Variants in LVRN observed in about 807,000 individuals in gnomAD.
The protein encoded by LVRN is aminopeptidase Q.
LVRN carries 99 observed loss-of-function variants against 111.4 expected under a neutral mutation model. The ratio of observed to expected loss-of-function variants is 0.89; its 90% CI spans 0.76 to 1.05. The LOEUF (loss-of-function observed/expected upper bound fraction) is 1.05. Ranked by LOEUF, LVRN falls within the 50% of genes least tolerant of loss-of-function variation. LVRN has a pLI of 0.00. For missense variants in LVRN, 1,414 were observed against 1,206.8 expected, an observed-to-expected ratio of 1.17 and a Z score of -2.54; for synonymous variants, 488 against 449.5, an observed-to-expected ratio of 1.09 and a Z score of -1.08.
chr5:115,987,400 T>C (rs1396792991), intron 3 of LVRN, among the ~76,000 whole-genome samples: 1 of 152,230 alleles, frequency 6.6e-6, no homozygotes, highest in Non-Finnish European at 1.5e-5. Context: ...ATGCTTAATA[T>C]GTACCATACT....
intron 1 of LVRN, among the ~76,000 whole-genome samples, chr5:115,982,993 C>T (rs1191706960): frequency 6.6e-6 from 1 of 152,130 alleles, no homozygotes; most frequent in African/African-American, 2.4e-5. Context: ...TGCATATTCG[C>T]TATATTTGTT....
intron 18 of LVRN, chr5:116,019,801 G>C (rs1361661197): frequency 6.6e-6 from 1 of 152,234 alleles, no homozygotes; most frequent in Non-Finnish European, 1.5e-5. Context: ...GGCAGAGGCA[G>C]CTTGCCTAAA....
intron 19 of LVRN, among the ~76,000 whole-genome samples, chr5:116,022,781 G>A (rs954733456): frequency 6.6e-6 from 1 of 152,288 alleles, no homozygotes; most frequent in East Asian, 1.9e-4. Context: ...CTGTTCCAGA[G>A]CTTCAGTAGC....
rs756467278 is a variant in LVRN, at chr5:115,963,142, C to T, written c.525C>T (p.Pro175=). 5.0e-6 allele frequency: 8 copies of T among 1,613,114 alleles called. No individual in the cohort carries two copies. In the African/African-American group the frequency reaches 6.7e-5, roughly 13 times the overall value. Residue 175 remains proline (P), a synonymous_variant, in exon 1 of 20, where the codon CCC becomes CCT. Transcript: ENST00000357872. ...GGAACGCCACAGTGGGCCGCGTGCCCGTGGACGACGTGTGGTTCGCGCTGG... is the reference window on the plus strand; with the variant it reads ...GGAACGCCACAGTGGGCCGCGTGCCTGTGGACGACGTGTGGTTCGCGCTGG... The part of the protein sequence containing the change: ...GTGNATVGRV[P]VDDVWFALDT...
intron 12 of LVRN, 56 bp downstream of exon 12, chr5:116,003,436 G>T: frequency 8.8e-7 from 1 of 1,136,710 alleles, no homozygotes. Flanking sequence ...CTTCTCTAGT[G>T]TTTTAGAAGT....
At chr5:116,020,422 A>C (rs532329498) in intron 18 of LVRN, among the ~76,000 whole-genome samples, 180 of 152,276 alleles carry the variant, frequency 1.2e-3, no homozygotes, top group African/African-American at 4.3e-3. Flanking sequence ...ATACAGAAAA[A>C]CCACTTTTAT....
At chr5:115,996,847 A>G (rs1164373348) in intron 6 of LVRN, among the ~76,000 whole-genome samples, 1 of 152,190 alleles carries the variant, frequency 6.6e-6, no homozygotes, top group East Asian at 1.9e-4. Flanking sequence ...TATGATGGTA[A>G]GCTGAGGCAG....
intron 12 of LVRN, among the ~76,000 whole-genome samples, chr5:116,005,496 G>A (rs1447478387): frequency 1.3e-5 from 2 of 152,182 alleles, no homozygotes; most frequent in East Asian, 1.9e-4. Context: ...GTACCTCAAT[G>A]TTACCAAAAT....
chr5:116,017,813 T>C (rs146468589), intron 18 of LVRN, among the ~76,000 whole-genome samples: 1,924 of 152,352 alleles, frequency 0.013, 33 homozygotes, highest in African/African-American at 0.043. Flanking sequence ...TGAGATAATA[T>C]GATGTATCTG....
intron 19 of LVRN, among the ~76,000 whole-genome samples, chr5:116,025,147 G>A (rs563434325): frequency 6.6e-6 from 1 of 152,272 alleles, no homozygotes; most frequent in South Asian, 2.1e-4. Flanking sequence ...CCTCCCGGCA[G>A]GTGTGAGAAG....
At chr5:115,999,699 C>T in intron 6 of LVRN, 63 bp from the exon 7 acceptor site, 2 of 1,540,900 alleles carry the variant, frequency 1.3e-6, no homozygotes, top group South Asian at 2.3e-5. Flanking sequence ...ATTTTAGGGC[C>T]ATAGAATTTT....
intron 3 of LVRN, among the ~76,000 whole-genome samples, chr5:115,987,138 A>G (rs1301671874): frequency 6.6e-6 from 1 of 152,202 alleles, no homozygotes. Context: ...CCAATTACAC[A>G]AACAATAGTG....
At chr5:115,995,771 A>T (rs885121) in intron 6 of LVRN, among the ~76,000 whole-genome samples, 21,888 of 152,192 alleles carry the variant, frequency 0.14, 2,569 homozygotes, top group African/African-American at 0.32. Context: ...TTTCTATTTT[A>T]CATGTGAGGA....
intron 13 of LVRN, among the ~76,000 whole-genome samples, chr5:116,007,953 TTAA>T (rs1308080085): frequency 6.6e-6 from 1 of 152,162 alleles, no homozygotes; most frequent in Non-Finnish European, 1.5e-5. Context: ...GGCAGCAAAC[TTAA>T]TAATTGTGTG....
At chr5:116,021,961 G>A (rs61626272) in intron 18 of LVRN, among the ~76,000 whole-genome samples, 3 of 152,152 alleles carry the variant, frequency 2.0e-5, no homozygotes, top group East Asian at 3.9e-4. Flanking sequence ...CAAAAAGCAC[G>A]CATAAATACA....
intron 14 of LVRN, among the ~76,000 whole-genome samples, chr5:116,011,646 T>C (rs1421312758): frequency 6.6e-6 from 1 of 152,140 alleles, no homozygotes; most frequent in African/African-American, 2.4e-5. Flanking sequence ...ACTTTCTTTT[T>C]CCTAGTGGCC....
intron 1 of LVRN, among the ~76,000 whole-genome samples, chr5:115,964,198 T>C (rs947516887): frequency 6.6e-6 from 1 of 152,206 alleles, no homozygotes; most frequent in African/African-American, 2.4e-5. Context: ...GGCGATCTCT[T>C]TGTCCACTCA....
chr5:115,977,486 A>C (rs1561555499), intron 1 of LVRN, among the ~76,000 whole-genome samples: 1 of 152,250 alleles, frequency 6.6e-6, no homozygotes, highest in Non-Finnish European at 1.5e-5. Flanking sequence ...TGTTTTCAGC[A>C]GAAGGCTGAT....
At chr5:115,982,327 T>G (rs1753576936) in intron 1 of LVRN, among the ~76,000 whole-genome samples, 1 of 152,170 alleles carries the variant, frequency 6.6e-6, no homozygotes, top group African/African-American at 2.4e-5. Context: ...CATATACTCT[T>G]GAGATATCTT....
Sources: gnomAD v4.1 joint callset for allele counts (sites outside exome capture counted in the v4.1 genomes callset) on GRCh38, gnomAD v4.1.1 for gene constraint, MANE v1.5 for transcripts, NCBI Gene and HGNC (gene_info 2026-07-23, HGNC 2026-07-21) for gene names.